The following ECHDC3 variants were observed in gnomAD, a reference collection of about 807,000 sequenced individuals.
The protein encoded by ECHDC3 is enoyl-CoA hydratase domain-containing protein 3, mitochondrial.
A neutral mutation model predicts 17.9 loss-of-function variants in ECHDC3; 20 were observed. The observed-to-expected ratio is 1.12, with a 90% CI of 0.79 to 1.63. The LOEUF (loss-of-function observed/expected upper bound fraction) is 1.63. ECHDC3 is among the 40% of genes most tolerant of loss of function. The pLI is 0.00. For missense variants in ECHDC3, 407 were observed against 357.7 expected, an observed-to-expected ratio of 1.14 and a Z score of -1.11; for synonymous variants, 177 against 149.7, an observed-to-expected ratio of 1.18 and a Z score of -1.33.
chr10:11,744,794 G>T (rs1171606969), intron 1 of ECHDC3, among the ~76,000 whole-genome samples: 2 of 152,172 alleles, frequency 1.3e-5, no homozygotes, highest in African/African-American at 4.8e-5. Flanking sequence ...GCTCAGATAA[G>T]AAAGAGAGGA....
At chr10:11,759,801 T>TA (rs1414338417) in intron 4 of ECHDC3, among the ~76,000 whole-genome samples, 1 of 152,218 alleles carries the variant, frequency 6.6e-6, no homozygotes, top group South Asian at 2.1e-4. Flanking sequence ...CTAGTTGTGT[T>TA]AAAAAATAGG....
intron 1 of ECHDC3, among the ~76,000 whole-genome samples, chr10:11,745,366 A>G (rs1211763142): frequency 6.6e-6 from 1 of 152,182 alleles, no homozygotes; most frequent in Non-Finnish European, 1.5e-5. Context: ...GCAGCTTTTT[A>G]TATTTGCTAC....
intron 2 of ECHDC3, among the ~76,000 whole-genome samples, chr10:11,747,946 A>AT (rs1320055204): frequency 6.6e-6 from 1 of 152,128 alleles, no homozygotes; most frequent in Non-Finnish European, 1.5e-5. Context: ...TTACAGAATT[A>AT]TTTTTTCTTG....
At chr10:11,755,891 C>T (rs899564619) in intron 4 of ECHDC3, among the ~76,000 whole-genome samples, 8 of 152,166 alleles carry the variant, frequency 5.3e-5, no homozygotes, top group African/African-American at 1.7e-4. Flanking sequence ...GTAGGTTTGC[C>T]GATTAGTTTT....
intron 4 of ECHDC3, among the ~76,000 whole-genome samples, chr10:11,756,159 C>T (rs928569662): frequency 6.6e-6 from 1 of 152,152 alleles, no homozygotes; most frequent in African/African-American, 2.4e-5. Context: ...ATCTCCTGTG[C>T]GTGGTATGTT....
At position 11,757,321 on chromosome 10, in the gene ECHDC3, G is replaced by A. The variant is rs142613208; in HGVS notation, c.591+1713G>A. ...TAAATTTGATTCCTAGAAACTTAAC[G>A]CTAGACCATATTTATCAAGTTTTAA... is the stretch of plus-strand genomic sequence containing the variant. On this transcript the variant is annotated intron_variant, in intron 4 of 4. Coordinates refer to ENST00000379215, the MANE Select transcript of ECHDC3 (RefSeq NM_024693.5). Among the ~76,000 whole-genome samples, 625 of 152,176 alleles carry A rather than the reference G, an allele frequency of 4.1e-3. 8 individuals are homozygous for A. Among genetic ancestry groups the A allele is most frequent in the Non-Finnish European group, 4.1e-3 (278 of 68,004 alleles).
Position 11,749,601 on chromosome 10 carries a change from A to C in ECHDC3, c.390+9A>C. 3.7e-6 allele frequency: 6 copies of C among 1,613,906 alleles called. No individual in the cohort carries two copies. The highest frequency in any genetic ancestry group is 5.1e-6 in the Non-Finnish European group (6 of 1,179,932). ...TTCAGACCTGTTCCAAGGTAAGCCA[A>C]GACGACAGTCGACAGTGCAAACCTG... On this transcript the variant is annotated intron_variant, in intron 3 of 4. Transcript: ENST00000379215.
chr10:11,749,408 A>T, intron 2 of ECHDC3, 87 bp from the exon 3 acceptor site: 1 of 1,253,640 alleles, frequency 8.0e-7, no homozygotes, highest in Non-Finnish European at 1.1e-6. Context: ...TGCTGAAGTT[A>T]TTCAGTAGAC....
At chr10:11,756,192 T>A (rs1278445636) in intron 4 of ECHDC3, among the ~76,000 whole-genome samples, 1 of 152,238 alleles carries the variant, frequency 6.6e-6, no homozygotes, top group Non-Finnish European at 1.5e-5. Flanking sequence ...GAAGGAGCCG[T>A]GTTGCAAAGT....
At chr10:11,754,370 A>G (rs1832862162) in intron 3 of ECHDC3, among the ~76,000 whole-genome samples, 2 of 151,962 alleles carry the variant, frequency 1.3e-5, no homozygotes, top group South Asian at 4.1e-4. Context: ...ATAGCAACAC[A>G]CTCTGTGGCA....
Position 11,763,446 on chromosome 10 carries a change from C to A in ECHDC3, c.814C>A (p.Gln272Lys). The change falls in exon 5 of 5, where the codon CAG (glutamine) becomes AAG (lysine). Residue 272 changes from glutamine (Q) to lysine (K), a missense_variant. By Grantham distance (53) the Gln-to-Lys change is moderately conservative. Coordinates refer to ENST00000379215, the MANE Select transcript of ECHDC3 (RefSeq NM_024693.5). The surrounding 1 kb of genome is among the most constrained non-coding windows in gnomAD (Gnocchi z 4.9). ...GGGGACGGCTTACTACCTCACCTCC[C>A]AGGCCATGGTGGACAACCTGGCCCT... is the stretch of plus-strand genomic sequence containing the variant. ...DLGTAYYLTSQAMVDNLALRD... is the reference protein window; with the variant it reads ...DLGTAYYLTSKAMVDNLALRD... 2 of 896,240 alleles carry A rather than the reference C, an allele frequency of 2.2e-6. No individual in the cohort carries two copies. Among genetic ancestry groups the A allele is most frequent in the South Asian group, 1.3e-5 (1 of 77,094 alleles). 55.5% of individuals were successfully genotyped at this position (896,240 alleles called of 1,614,324 possible).
intron 4 of ECHDC3, among the ~76,000 whole-genome samples, chr10:11,759,386 C>CAG (rs1481698535): frequency 1.4e-5 from 2 of 145,190 alleles, no homozygotes; most frequent in Admixed American, 6.9e-5. Flanking sequence ...AAAAAAAACA[C>CAG]GCAGTCCCAG....
intron 1 of ECHDC3, among the ~76,000 whole-genome samples, chr10:11,743,433 C>T (rs1832719466): frequency 1.3e-5 from 2 of 152,260 alleles, no homozygotes; most frequent in Admixed American, 1.3e-4. Context: ...CTCAGATGAC[C>T]AGGTGGTTCC....
chr10:11,753,400 A>T (rs1010586923), intron 3 of ECHDC3, among the ~76,000 whole-genome samples: 1 of 152,092 alleles, frequency 6.6e-6, no homozygotes, highest in Non-Finnish European at 1.5e-5. Context: ...ATTAATAATT[A>T]TATGCTTTTT....
chr10:11,744,407 C>A (rs4237416), intron 1 of ECHDC3, among the ~76,000 whole-genome samples: 142,099 of 152,270 alleles, frequency 0.93, 67,146 homozygotes, highest in East Asian at 1. Context: ...ATTTTTTGTC[C>A]TTAGGTCAAC....
At chr10:11,756,671 G>A (rs1409540024) in intron 4 of ECHDC3, among the ~76,000 whole-genome samples, 1 of 152,170 alleles carries the variant, frequency 6.6e-6, no homozygotes, top group Admixed American at 6.5e-5. Flanking sequence ...AGTAGGTGCC[G>A]GCTGGCTAAA....
chr10:11,746,883 C>T (rs1434632884), intron 1 of ECHDC3, among the ~76,000 whole-genome samples: 1 of 152,088 alleles, frequency 6.6e-6, no homozygotes, highest in Non-Finnish European at 1.5e-5. Flanking sequence ...TGCAGTGAGC[C>T]GAGATCTATA....
rs1376645396 is a variant in ECHDC3, at chr10:11,763,238, G to A, written c.606G>A (p.Met202Ile). 1 of 778,154 alleles carries A rather than the reference G, an allele frequency of 1.3e-6. No individual in the cohort carries two copies. Among genetic ancestry groups the A allele is most frequent in the Non-Finnish European group, 2.4e-6 (1 of 417,188 alleles). The allele number at this position is 778,154 out of a possible 1,614,324, so 48.2% of individuals were successfully genotyped here. A position where few individuals can be genotyped will look rare whatever the true frequency, so the allele number is the denominator to read the frequency against. Reference sequence around the variant, plus strand: ...TCTCCCCGTAGGTGGCCTTGGAGATGCTCTTTACTGGTGAGCCCATTTCTG... The same window carrying A: ...TCTCCCCGTAGGTGGCCTTGGAGATACTCTTTACTGGTGAGCCCATTTCTG... Reference protein sequence around the residue: ...RAVPRKVALEMLFTGEPISAQ... With the variant: ...RAVPRKVALEILFTGEPISAQ... Residue 202 changes from methionine (M) to isoleucine (I), a missense_variant, in exon 5 of 5, where the codon ATG (methionine) becomes ATA (isoleucine). Physicochemically the swap from Met to Ile is conservative, Grantham distance 10. Transcript: ENST00000379215. The surrounding 1 kb of genome is among the most constrained non-coding windows in gnomAD (Gnocchi z 4.9).
chr10:11,748,621 C>T (rs891325208), intron 2 of ECHDC3, among the ~76,000 whole-genome samples: 1 of 152,144 alleles, frequency 6.6e-6, no homozygotes, highest in Non-Finnish European at 1.5e-5. Context: ...CATGGTTGCT[C>T]ATGTCTGTAA....
Sources: gnomAD v4.1 joint callset for allele counts (sites outside exome capture counted in the v4.1 genomes callset) on GRCh38, gnomAD v4.1.1 for gene constraint, Gnocchi (gnomAD v3.1) non-coding constraint, MANE v1.5 for transcripts, NCBI Gene and HGNC (gene_info 2026-07-23, HGNC 2026-07-21) for gene names.